Variants in DYM observed in about 807,000 individuals in gnomAD.
DYM encodes the protein dymeclin.
Under a neutral mutation model 93.1 loss-of-function variants are expected in DYM, and 78 were observed. That is an observed-to-expected ratio of 0.84 (90% CI 0.70 to 1.01). DYM has a LOEUF of 1.01. Among genes scored for constraint, DYM ranks in the 50% least tolerant of loss-of-function variants. The probability of loss-of-function intolerance (pLI) is 0.00; values close to 1 mark genes in which losing one functional copy is unlikely to be tolerated. For synonymous variants in DYM, 321 were observed against 319.7 expected, an observed-to-expected ratio of 1.00 and a Z score of -0.04; for missense variants, 789 against 845.0, an observed-to-expected ratio of 0.93 and a Z score of 0.82.
At position 49,328,450 on chromosome 18, in the gene DYM, G is replaced by C. The variant is rs1397826066; in HGVS notation, c.763+3414C>G. ...CTATCCTAGTGAAGGCATGAAAAAA[G>C]AGAGCATCTGCACAGCAAAAGAAAC... On this transcript the variant is annotated intron_variant, in intron 8 of 17. Transcript: ENST00000675505. Among the ~76,000 whole-genome samples the C allele has an allele frequency of 5.9e-5, 9 of 152,044 alleles. No homozygotes were observed. The East Asian group carries it at 1.7e-3, about 29-fold the overall frequency.
At chr18:49,119,487 C>A (rs2082191154) in intron 15 of DYM, among the ~76,000 whole-genome samples, 1 of 152,082 alleles carries the variant, frequency 6.6e-6, no homozygotes, top group South Asian at 2.1e-4. Context: ...ATCAGCAAAC[C>A]TCTTGGAAGA....
chr18:49,451,491 A>G (rs2082512331), intron 1 of DYM, among the ~76,000 whole-genome samples: 1 of 152,218 alleles, frequency 6.6e-6, no homozygotes. Context: ...ACTTTCTAAC[A>G]GGTCCAGGAG....
chr18:49,151,259 C>T (rs184598640), intron 15 of DYM, among the ~76,000 whole-genome samples: 78 of 152,268 alleles, frequency 5.1e-4, no homozygotes, highest in Middle Eastern at 3.4e-3. Context: ...TAAGGTAATT[C>T]TCAAATACTC....
In DYM at chr18:49,310,447, C is replaced by T. The variant is rs552712406; in HGVS notation, c.763+21417G>A. 7.3e-5 allele frequency among the ~76,000 whole-genome samples: 11 copies of T among 150,958 alleles called. No individual in the cohort carries two copies. The South Asian group carries it at 1.1e-3, about 14-fold the overall frequency. On this transcript the variant is annotated intron_variant, in intron 8 of 17. Coordinates refer to ENST00000675505, the MANE Select transcript of DYM (RefSeq NM_001353214.3). ...ATTACTTTCTGAGCACAAAAGATGCCCCCGCATGTGTAAAATTACATACCT... is the reference window on the plus strand; with the variant it reads ...ATTACTTTCTGAGCACAAAAGATGCTCCCGCATGTGTAAAATTACATACCT...
chr18:49,450,441 T>C (rs893916434), intron 1 of DYM, among the ~76,000 whole-genome samples: 4 of 152,220 alleles, frequency 2.6e-5, no homozygotes, highest in Non-Finnish European at 5.9e-5. Flanking sequence ...TTTTTTCCTT[T>C]TGTGACATCA....
At chr18:49,097,304 G>T in intron 17 of DYM, 98 bp downstream of exon 17, 1 of 1,094,020 alleles carries the variant, frequency 9.1e-7, no homozygotes. Flanking sequence ...TCTATGTACT[G>T]GATAAGCAGC....
At chr18:49,246,679 T>C (rs1165439322) in intron 13 of DYM, among the ~76,000 whole-genome samples, 1 of 152,244 alleles carries the variant, frequency 6.6e-6, no homozygotes, top group Non-Finnish European at 1.5e-5. Flanking sequence ...TCTAAGTCTA[T>C]AATTTTATGA....
intron 17 of DYM, among the ~76,000 whole-genome samples, chr18:49,091,021 T>G (rs998513619): frequency 6.6e-6 from 1 of 152,228 alleles, no homozygotes; most frequent in Admixed American, 6.5e-5. Context: ...TAACTGAGCT[T>G]CTTTATAATA....
intron 15 of DYM, among the ~76,000 whole-genome samples, chr18:49,121,986 T>C (rs555354201): frequency 1.3e-5 from 2 of 152,262 alleles, no homozygotes; most frequent in Non-Finnish European, 2.9e-5. Flanking sequence ...GAGATATTTT[T>C]ATTTTTAATC....
intron 15 of DYM, among the ~76,000 whole-genome samples, chr18:49,154,036 G>C (rs1234461710): frequency 6.6e-6 from 1 of 152,140 alleles, no homozygotes; most frequent in South Asian, 2.1e-4. Context: ...GCACTGAGAA[G>C]GGCTCACCTC....
intron 6 of DYM, among the ~76,000 whole-genome samples, chr18:49,335,858 G>C (rs2063624282): frequency 6.6e-6 from 1 of 151,370 alleles, no homozygotes; most frequent in African/African-American, 2.4e-5. Flanking sequence ...CTGTCACCTA[G>C]GCTGACACCT....
At chr18:49,218,723 A>G (rs2143932386) in intron 13 of DYM, among the ~76,000 whole-genome samples, 1 of 152,336 alleles carries the variant, frequency 6.6e-6, no homozygotes, top group African/African-American at 2.4e-5. Context: ...CAAAGACACA[A>G]CATACCAGAA....
intron 14 of DYM, among the ~76,000 whole-genome samples, chr18:49,181,427 C>T (rs1269700483): frequency 6.6e-6 from 1 of 152,096 alleles, no homozygotes; most frequent in Non-Finnish European, 1.5e-5. Flanking sequence ...ATAGAATTGT[C>T]CAGAGTCCCC....
chr18:49,335,524 A>T (rs1044241589), intron 6 of DYM, among the ~76,000 whole-genome samples: 1 of 152,228 alleles, frequency 6.6e-6, no homozygotes, highest in Non-Finnish European at 1.5e-5. Flanking sequence ...TCTTTCATGA[A>T]TTGAATGAAA....
intron 2 of DYM, among the ~76,000 whole-genome samples, chr18:49,414,777 T>G (rs2148246417): frequency 6.6e-6 from 1 of 152,242 alleles, no homozygotes; most frequent in South Asian, 2.1e-4. Flanking sequence ...ATCACCTCAC[T>G]CCGCTTCGCT....
intron 2 of DYM, among the ~76,000 whole-genome samples, chr18:49,428,550 A>G (rs1239528443): frequency 6.6e-6 from 1 of 152,096 alleles, no homozygotes; most frequent in Non-Finnish European, 1.5e-5. Context: ...CCATGCATGA[A>G]GGCATGCAAC....
intron 14 of DYM, among the ~76,000 whole-genome samples, chr18:49,185,337 T>G (rs1317713364): frequency 6.6e-6 from 1 of 152,204 alleles, no homozygotes; most frequent in African/African-American, 2.4e-5. Context: ...TGCTAAAAAT[T>G]ACATCTTTAA....
chr18:49,233,687 A>C (rs958259175), intron 13 of DYM, among the ~76,000 whole-genome samples: 1 of 152,122 alleles, frequency 6.6e-6, no homozygotes, highest in Non-Finnish European at 1.5e-5. Context: ...TTTCTTCTAC[A>C]CTAACAGATT....
chr18:49,448,654 G>C (rs1289489349), intron 1 of DYM, among the ~76,000 whole-genome samples: 1 of 152,126 alleles, frequency 6.6e-6, no homozygotes, highest in Admixed American at 6.5e-5. Context: ...AAAAAGCAGG[G>C]GGGATGCCCC....
Sources: allele counts gnomAD v4.1 joint callset (sites outside exome capture counted in the v4.1 genomes callset), GRCh38; gene constraint gnomAD v4.1.1; transcripts MANE v1.5; gene names NCBI Gene and HGNC (gene_info 2026-07-23, HGNC 2026-07-21).